Variants in CTPS2 observed in about 807,000 individuals in gnomAD.
The protein encoded by CTPS2 is CTP synthase 2, also known as CTP synthase II.
Under a neutral mutation model 46.8 loss-of-function variants are expected in CTPS2, and 19 were observed. The observed-to-expected ratio is 0.41, with a 90% CI of 0.28 to 0.60. CTPS2 has a LOEUF of 0.60. Ranked by LOEUF, CTPS2 falls within the 20% of genes least tolerant of loss-of-function variation. CTPS2 has a pLI of 0.35. For synonymous variants in CTPS2, 151 were observed against 165.2 expected (o/e 0.91, Z 0.66); for missense variants, 286 against 447.6 (o/e 0.64, Z 3.26).
intron 17 of CTPS2, among the ~76,000 whole-genome samples, chrX:16,606,503 T>C (rs975218494): frequency 1.8e-5 from 2 of 111,826 alleles, no homozygotes; most frequent in Non-Finnish European, 3.8e-5. Context: ...TTCATTACTT[T>C]AATGGGTAAT....
chrX:16,647,976 C>T (rs187795136), intron 13 of CTPS2, among the ~76,000 whole-genome samples: 32 of 110,736 alleles, frequency 2.9e-4, no homozygotes, highest in Admixed American at 2.8e-3. Flanking sequence ...GTGGCACATG[C>T]CTGTAGTCCC....
chrX:16,703,016 GA>G, intron 1 of CTPS2, 75 bp from the exon 2 acceptor site: 3 of 524,744 alleles, frequency 5.7e-6, no homozygotes, highest in Non-Finnish European at 8.5e-6. Context: ...TATTCAACCA[GA>G]ATTAATTTTT....
intron 8 of CTPS2, among the ~76,000 whole-genome samples, chrX:16,685,867 CAAAAAAA>C (rs397976604): frequency 6.1e-4 from 15 of 24,475 alleles, no homozygotes; most frequent in South Asian, 4.8e-3. Flanking sequence ...ACTCTGTCTC[CAAAAAAA>C]AAAAAAAAAA....
At chrX:16,650,329 C>T (rs1480576295) in intron 13 of CTPS2, 1 of 110,617 alleles carries the variant, frequency 9.0e-6, no homozygotes. Context: ...GAGATATTCC[C>T]TGTAACTTAG....
intron 14 of CTPS2, among the ~76,000 whole-genome samples, chrX:16,625,926 C>A (rs1214122477): frequency 9.0e-6 from 1 of 111,230 alleles, no homozygotes; most frequent in Non-Finnish European, 1.9e-5. Flanking sequence ...GCATGGCGGG[C>A]CAAAAGGCAA....
chrX:16,709,949 T>C (rs1925349052), intron 1 of CTPS2, among the ~76,000 whole-genome samples: 1 of 109,240 alleles, frequency 9.2e-6, no homozygotes, highest in South Asian at 4.0e-4. Context: ...GTTGTATGTG[T>C]TGGGGCTCAG....
chrX:16,709,654 T>G (rs186876524), intron 1 of CTPS2, among the ~76,000 whole-genome samples: 1,175 of 108,295 alleles, frequency 0.011, 13 homozygotes, highest in African/African-American at 0.035. Context: ...ATCAAGACCA[T>G]CCTGGCCAAC....
At chrX:16,674,697 G>A (rs959779594) in intron 10 of CTPS2, among the ~76,000 whole-genome samples, 2 of 106,894 alleles carry the variant, frequency 1.9e-5, no homozygotes, top group African/African-American at 3.5e-5. Flanking sequence ...AATTAGCCGG[G>A]CGTGGTGGCA....
intron 17 of CTPS2, among the ~76,000 whole-genome samples, chrX:16,599,467 C>CTTTTTTTTTTTTTTTTTTT (rs1009319649): frequency 1.1e-5 from 1 of 94,557 alleles, no homozygotes; most frequent in African/African-American, 4.1e-5. Flanking sequence ...TTTTCTTTTT[C>CTTTTTTTTTTTTTTTTTTT]TTTTTTTTCT....
intron 17 of CTPS2, among the ~76,000 whole-genome samples, chrX:16,607,791 T>C (rs1435756337): frequency 8.9e-6 from 1 of 112,948 alleles, no homozygotes; most frequent in Non-Finnish European, 1.9e-5. Flanking sequence ...CTGGTTATTG[T>C]GGTAATAACC....
At chrX:16,656,561 C>T (rs887369683) in intron 13 of CTPS2, among the ~76,000 whole-genome samples, 1 of 111,408 alleles carries the variant, frequency 9.0e-6, no homozygotes, top group Admixed American at 9.5e-5. Context: ...AGGTGCCCGC[C>T]ACCACGCCCG....
At chrX:16,642,349 A>C (rs928123927) in intron 13 of CTPS2, among the ~76,000 whole-genome samples, 2 of 111,870 alleles carry the variant, frequency 1.8e-5, no homozygotes, top group African/African-American at 6.5e-5. Flanking sequence ...GAAGCAGGTG[A>C]AAATAGGTCT....
chrX:16,679,470 C>G (rs1003879925), intron 9 of CTPS2, among the ~76,000 whole-genome samples: 2 of 111,600 alleles, frequency 1.8e-5, no homozygotes, highest in Non-Finnish European at 3.8e-5. Context: ...CTGGGACCCT[C>G]AAAAAAGGCC....
intron 13 of CTPS2, among the ~76,000 whole-genome samples, chrX:16,639,770 GGAAAAGA>G (rs1349237708): frequency 6.5e-5 from 2 of 30,999 alleles, no homozygotes; most frequent in Non-Finnish European, 1.5e-4. Flanking sequence ...GAAAAGAAAA[GGAAAAGA>G]AAAGAAAGAA....
chrX:16,592,346 T>A (rs778329433), intron 17 of CTPS2, among the ~76,000 whole-genome samples: 20 of 112,562 alleles, frequency 1.8e-4, no homozygotes, highest in African/African-American at 6.4e-4. Flanking sequence ...GGAAAAACTA[T>A]CTTTTCTCCC....
chrX:16,681,840 C>T (rs1466490329), intron 9 of CTPS2, among the ~76,000 whole-genome samples: 2 of 111,707 alleles, frequency 1.8e-5, no homozygotes, highest in African/African-American at 6.5e-5. Context: ...TGAACTACTT[C>T]GCCTGGCTTA....
rs765048544 is a variant in CTPS2 at position 16,670,613 on chromosome X, A to T, written c.1156T>A (p.Ser386Thr). Residue 386 changes from serine (S) to threonine (T), a missense_variant, in exon 11 of 19, where the codon TCT becomes ACT. By Grantham distance (58) the Ser-to-Thr change is moderately conservative (BLOSUM62 1). Transcript: ENST00000359276. ...GGAATCTTCTTTGTCCTTGCCCAAG[A>T]AATCGCCTGGAGTTTTCCCAATGTT... ...RGTLGKLQAI[S>T]WARTKKIPFL... The T allele has an allele frequency of 2.2e-5, 26 of 1,206,184 alleles. No homozygotes were observed. Among genetic ancestry groups the T allele is most frequent in the Non-Finnish European group, 2.6e-5 (23 of 893,239 alleles).
intron 4 of CTPS2, 125 bp downstream of exon 4, chrX:16,698,111 A>T: frequency 2.0e-6 from 1 of 509,967 alleles, no homozygotes; most frequent in Non-Finnish European, 3.4e-6. Context: ...TCTTGCTGTG[A>T]CCCCACCTCC....
At chrX:16,632,643 C>T (rs1931539882) in intron 14 of CTPS2, among the ~76,000 whole-genome samples, 1 of 111,438 alleles carries the variant, frequency 9.0e-6, no homozygotes, top group African/African-American at 3.3e-5. Context: ...AGGCTGGTCT[C>T]AAACCCTTGA....
Sources: gnomAD v4.1 joint callset for allele counts (sites outside exome capture counted in the v4.1 genomes callset) on GRCh38, gnomAD v4.1.1 for gene constraint, MANE v1.5 for transcripts, NCBI Gene and HGNC (gene_info 2026-07-23, HGNC 2026-07-21) for gene names.